RAB2A: variants seen among roughly 807,000 people sequenced by gnomAD.
RAB2A encodes the protein ras-related protein Rab-2A.
Under a neutral mutation model 32.5 loss-of-function variants are expected in RAB2A, and 7 were observed. The ratio of observed to expected loss-of-function variants is 0.22; its 90% CI spans 0.12 to 0.40. The LOEUF (loss-of-function observed/expected upper bound fraction) is 0.40. RAB2A is among the 10% of genes least tolerant of loss of function. The pLI is 1.00. For synonymous variants in RAB2A, 79 were observed against 85.2 expected (o/e 0.93, Z 0.40); for missense variants, 108 against 260.7 (o/e 0.41, Z 4.03).
intron 6 of RAB2A, among the ~76,000 whole-genome samples, chr8:60,617,314 G>A (rs181369500): frequency 1.0e-3 from 155 of 152,202 alleles, no homozygotes; most frequent in African/African-American, 3.5e-3. Context: ...AAGTTGAGCC[G>A]TCTTTTCTCT....
chr8:60,547,894 T>A (rs1488177536), intron 1 of RAB2A, among the ~76,000 whole-genome samples: 1 of 114,232 alleles, frequency 8.8e-6, no homozygotes, highest in African/African-American at 3.6e-5. Context: ...CCCCCCTACC[T>A]CCCTCCCGGA....
At chr8:60,610,682 C>G (rs992853683) in intron 6 of RAB2A, among the ~76,000 whole-genome samples, 1 of 152,172 alleles carries the variant, frequency 6.6e-6, no homozygotes, top group Non-Finnish European at 1.5e-5. Flanking sequence ...TCTAATTTGG[C>G]CATCATCCCC....
At chr8:60,582,185 G>A (rs1369073601) in intron 3 of RAB2A, among the ~76,000 whole-genome samples, 3 of 152,074 alleles carry the variant, frequency 2.0e-5, no homozygotes, top group Non-Finnish European at 4.4e-5. Context: ...CTGGCCTCAA[G>A]CAATACTCCT....
intron 6 of RAB2A, among the ~76,000 whole-genome samples, chr8:60,595,935 A>C (rs1804015034): frequency 6.6e-6 from 1 of 152,226 alleles, no homozygotes; most frequent in Non-Finnish European, 1.5e-5. Flanking sequence ...GAAAATAGGA[A>C]AATCTACAAA....
chr8:60,561,636 C>A (rs906024055), intron 2 of RAB2A, among the ~76,000 whole-genome samples: 2 of 152,130 alleles, frequency 1.3e-5, no homozygotes, highest in African/African-American at 4.8e-5. Flanking sequence ...AGTTCATATA[C>A]CATTCAGGAG....
chr8:60,527,723 A>G (rs930747975), intron 1 of RAB2A, among the ~76,000 whole-genome samples: 2 of 152,188 alleles, frequency 1.3e-5, no homozygotes, highest in South Asian at 2.1e-4. Flanking sequence ...TACCCTAATC[A>G]TAGTATCCAT....
chr8:60,550,722 C>G (rs1807833053), intron 1 of RAB2A, among the ~76,000 whole-genome samples: 1 of 152,068 alleles, frequency 6.6e-6, no homozygotes, highest in Admixed American at 6.6e-5. Context: ...CTTGTAAGTT[C>G]TCATTGTAGC....
At position 60,605,887 on chromosome 8, in the gene RAB2A, G is replaced by A. The variant is rs917018927; in HGVS notation, c.475-12693G>A. On this transcript the variant is annotated intron_variant, in intron 6 of 7. Transcript: ENST00000262646. ...TTTCAAGCTGGGGGTGGTGGCTCAC[G>A]CCTATAATCCCAGCACTTTGGGAGG... Among the ~76,000 whole-genome samples, 6 of 145,296 alleles carry A rather than the reference G, an allele frequency of 4.1e-5. No homozygotes were observed. In the East Asian group the frequency reaches 1.0e-3, roughly 24 times the overall value.
intron 6 of RAB2A, among the ~76,000 whole-genome samples, chr8:60,617,186 A>G (rs1804461404): frequency 1.3e-5 from 2 of 152,144 alleles, no homozygotes; most frequent in African/African-American, 2.4e-5. Context: ...ATATTTATAT[A>G]TAATTTCTAA....
intron 1 of RAB2A, among the ~76,000 whole-genome samples, chr8:60,526,017 GTACATATATATATATATA>G (rs1807376961): frequency 1.3e-5 from 1 of 74,252 alleles, no homozygotes; most frequent in Non-Finnish European, 2.6e-5. Flanking sequence ...ATGTGTGTGT[GTACATATATATATATATA>G]TATATATATA....
At chr8:60,532,592 C>G (rs1169548221) in intron 1 of RAB2A, among the ~76,000 whole-genome samples, 2 of 152,112 alleles carry the variant, frequency 1.3e-5, no homozygotes, top group Non-Finnish European at 2.9e-5. Context: ...CTCACTGCAA[C>G]CTCTGTCTCC....
At chr8:60,547,702 G>T (rs1807761125) in intron 1 of RAB2A, among the ~76,000 whole-genome samples, 1 of 122,310 alleles carries the variant, frequency 8.2e-6, no homozygotes, top group Non-Finnish European at 1.8e-5. Flanking sequence ...CGGGCGGGGG[G>T]GCTGACCCCC....
intron 5 of RAB2A, among the ~76,000 whole-genome samples, chr8:60,591,411 C>T (rs1408349069): frequency 6.7e-6 from 1 of 148,856 alleles, no homozygotes; most frequent in East Asian, 2.1e-4. Context: ...ATCTTTAGTA[C>T]TTTGGATTTT....
At position 60,584,935 on chromosome 8, in the gene RAB2A, C is replaced by T. The variant is rs140553474; in HGVS notation, c.362+120C>T. On this transcript the variant is annotated intron_variant, in intron 5 of 7. Coordinates refer to ENST00000262646, the MANE Select transcript of RAB2A (RefSeq NM_002865.3). ...ACCAGCCTCTTAAATTATAAAATTTCGGAAATTCTAAGGTGTTTCTTTTGA... is the reference window on the plus strand; with the variant it reads ...ACCAGCCTCTTAAATTATAAAATTTTGGAAATTCTAAGGTGTTTCTTTTGA... The T allele has an allele frequency of 1.1e-4, 71 of 641,710 alleles. 2 individuals are homozygous for T. In the African/African-American group the frequency reaches 1.1e-3, roughly 10 times the overall value. 39.8% of individuals were successfully genotyped at this position (641,710 alleles called of 1,614,324 possible).
intron 2 of RAB2A, chr8:60,570,129 T>C: frequency 4.6e-6 from 2 of 438,536 alleles, no homozygotes; most frequent in Non-Finnish European, 9.3e-6. Context: ...TTGCTGTTGC[T>C]AGCCTTGCCT....
chr8:60,602,901 G>A (rs1242134857), intron 6 of RAB2A, among the ~76,000 whole-genome samples: 1 of 152,176 alleles, frequency 6.6e-6, no homozygotes, highest in Non-Finnish European at 1.5e-5. Context: ...TATGGGAGAG[G>A]CGGTTTAGCA....
At chr8:60,542,125 T>G (rs1274376577) in intron 1 of RAB2A, among the ~76,000 whole-genome samples, 1 of 152,140 alleles carries the variant, frequency 6.6e-6, no homozygotes, top group Admixed American at 6.5e-5. Flanking sequence ...AAGAGAGGTG[T>G]GTCTTATGGA....
chr8:60,590,261 A>G (rs1041886455), intron 5 of RAB2A, among the ~76,000 whole-genome samples: 6 of 151,816 alleles, frequency 4.0e-5, no homozygotes, highest in Non-Finnish European at 8.8e-5. Flanking sequence ...CACCCGGCCT[A>G]TTGTTTCTTT....
chr8:60,608,043 G>A (rs184271677), intron 6 of RAB2A, among the ~76,000 whole-genome samples: 1 of 152,148 alleles, frequency 6.6e-6, no homozygotes, highest in African/African-American at 2.4e-5. Flanking sequence ...CTTCCACCAC[G>A]GCCAAGGTCA....
Sources: allele counts gnomAD v4.1 joint callset (sites outside exome capture counted in the v4.1 genomes callset), GRCh38; gene constraint gnomAD v4.1.1; transcripts MANE v1.5; gene names NCBI Gene and HGNC (gene_info 2026-07-23, HGNC 2026-07-21).